ANKRD26: variants seen among roughly 807,000 people sequenced by gnomAD.
The protein encoded by ANKRD26 is ankyrin repeat domain-containing protein 26.
In ANKRD26, 141 loss-of-function variants were observed where a neutral mutation model predicts 208.7. The observed-to-expected ratio is 0.68, with a 90% CI of 0.59 to 0.78. The LOEUF (loss-of-function observed/expected upper bound fraction) is 0.78. ANKRD26 is among the 30% of genes least tolerant of loss of function. ANKRD26 has a pLI of 0.00. For missense variants in ANKRD26, 1,889 were observed against 1,938.7 expected (o/e 0.97, Z 0.48); for synonymous variants, 636 against 660.4 (o/e 0.96, Z 0.57).
intron 6 of ANKRD26, 29 bp downstream of exon 6, chr10:27,082,774 T>C (rs1326540035): frequency 6.4e-7 from 1 of 1,562,236 alleles, no homozygotes; most frequent in South Asian, 1.2e-5. Flanking sequence ...TTCCTTTAAA[T>C]ATATTTTTAA....
At chr10:27,077,771 A>G (rs1485118803) in intron 7 of ANKRD26, 78 bp from the exon 8 acceptor site, 1 of 1,222,824 alleles carries the variant, frequency 8.2e-7, no homozygotes, top group African/African-American at 1.5e-5. Flanking sequence ...ATAGATAGTC[A>G]CCATTACTAC....
chr10:27,093,412 A>C lies in ANKRD26; in HGVS notation c.468T>G (p.Asn156Lys). The C allele has an allele frequency of 1.2e-6, 2 of 1,614,172 alleles. No homozygotes were observed. The highest frequency in any genetic ancestry group is 8.5e-7 in the Non-Finnish European group (1 of 1,180,026). The change falls in exon 3 of 34, where the codon AAT becomes AAG. Residue 156 changes from asparagine (N) to lysine (K), a missense_variant. Coordinates refer to ENST00000376087, the MANE Select transcript of ANKRD26 (RefSeq NM_014915.3). ...GCTTTGTTGCTACTGATATGTCCTC[A>C]TTATAGACAGCATAGTGAAGAGCAG... ...GNTALHYAVY[N>K]EDISVATKLL...
At chr10:26,957,010 G>A in the ANKRD26 span, among the ~76,000 whole-genome samples, 1 of 152,204 alleles carries the variant, frequency 6.6e-6, no homozygotes, top group Non-Finnish European at 1.5e-5. Flanking sequence ...GAATACTGGA[G>A]CAGCAAAAAC....
chr10:26,970,596 C>T (rs1054723678), downstream of ANKRD26, among the ~76,000 whole-genome samples: 36 of 152,204 alleles, frequency 2.4e-4, no homozygotes, highest in Middle Eastern at 0.014. Context: ...AACCATGAGC[C>T]GATTAAACCT....
chr10:26,980,814 G>A (rs1392210777), exon 5 of ANKRD26, among the ~76,000 whole-genome samples: 2 of 152,204 alleles, frequency 1.3e-5, no homozygotes, highest in African/African-American at 2.4e-5. Context: ...GAAGTTCAGA[G>A]AGGTCGGAGT....
chr10:27,023,319 G>A (rs2053551360), intron 28 of ANKRD26, among the ~76,000 whole-genome samples: 1 of 151,364 alleles, frequency 6.6e-6, no homozygotes, highest in South Asian at 2.1e-4. Context: ...TCCAGCTTGG[G>A]CAACAGAGAG....
downstream of ANKRD26, among the ~76,000 whole-genome samples, chr10:27,003,648 A>C (rs1422850050): frequency 6.6e-6 from 1 of 152,354 alleles, no homozygotes; most frequent in Admixed American, 6.5e-5. Flanking sequence ...AATGGAAGTG[A>C]GTGACAGCAG....
chr10:26,949,926 T>G, the ANKRD26 span, among the ~76,000 whole-genome samples: 2 of 152,254 alleles, frequency 1.3e-5, no homozygotes, highest in Admixed American at 1.3e-4. Context: ...ACACCTTTTT[T>G]CACTTACAAT....
At chr10:27,010,631 G>C (rs769378564) in intron 32 of ANKRD26, among the ~76,000 whole-genome samples, 1 of 152,096 alleles carries the variant, frequency 6.6e-6, no homozygotes, top group Non-Finnish European at 1.5e-5. Context: ...AAGAAGCTGG[G>C]ACTACAAGCG....
chr10:27,090,092 A>G (rs1186197008), intron 4 of ANKRD26, among the ~76,000 whole-genome samples: 1 of 152,222 alleles, frequency 6.6e-6, no homozygotes, highest in African/African-American at 2.4e-5. Context: ...CTGCTGAACA[A>G]AAAGCCTGAC....
rs369980649 is a variant in ANKRD26 at position 27,017,832 on chromosome 10, T to C, written c.4216-40A>G. The C allele has an allele frequency of 9.4e-5, 148 of 1,573,298 alleles. 1 individual carries two copies. Among genetic ancestry groups the C allele is most frequent in the African/African-American group, 5.8e-4 (43 of 73,880 alleles). On this transcript the variant is annotated intron_variant, in intron 29 of 33. Coordinates refer to ENST00000376087, the MANE Select transcript of ANKRD26 (RefSeq NM_014915.3). ...TAATATAGTGTAATAATGAAGGAAG[T>C]AGCCTGAGAATAGCCTAACATAAAA...
intron 9 of ANKRD26, among the ~76,000 whole-genome samples, chr10:27,072,301 C>T (rs1472816377): frequency 6.6e-6 from 1 of 152,202 alleles, no homozygotes; most frequent in African/African-American, 2.4e-5. Flanking sequence ...CATACTGTTG[C>T]CTGATATCCC....
chr10:27,092,178 T>C (rs1589376941), intron 4 of ANKRD26, among the ~76,000 whole-genome samples: 1 of 152,146 alleles, frequency 6.6e-6, no homozygotes, highest in Non-Finnish European at 1.5e-5. Flanking sequence ...TCCAAGCAAC[T>C]GCTTTTCTTC....
exon 6 of ANKRD26, among the ~76,000 whole-genome samples, chr10:26,975,419 T>C (rs1428165351): frequency 7.1e-6 from 1 of 140,538 alleles, no homozygotes; most frequent in Non-Finnish European, 1.5e-5. Flanking sequence ...TTTTTTTTTT[T>C]TGGTGTAGTT....
At chr10:27,038,274 GGTAA>G (rs1484467442) in intron 21 of ANKRD26, among the ~76,000 whole-genome samples, 1 of 152,068 alleles carries the variant, frequency 6.6e-6, no homozygotes, top group African/African-American at 2.4e-5. Flanking sequence ...TCTGCTAACT[GGTAA>G]GTTTCTGTTA....
intron 10 of ANKRD26, among the ~76,000 whole-genome samples, chr10:27,066,798 G>A (rs1179366549): frequency 6.6e-6 from 1 of 151,856 alleles, no homozygotes; most frequent in African/African-American, 2.4e-5. Context: ...TTAATTGGTT[G>A]TCTTAGAATA....
At chr10:27,016,759 A>C (rs1314190092) in intron 30 of ANKRD26, among the ~76,000 whole-genome samples, 1 of 152,118 alleles carries the variant, frequency 6.6e-6, no homozygotes, top group Non-Finnish European at 1.5e-5. Context: ...GGTTGTGTTT[A>C]ATTATTTGTA....
At chr10:26,956,097 T>C in the ANKRD26 span, among the ~76,000 whole-genome samples, 1 of 152,238 alleles carries the variant, frequency 6.6e-6, no homozygotes, top group Non-Finnish European at 1.5e-5. Context: ...CAGTTTCATC[T>C]TAAAGTGGTC....
At chr10:26,974,759 A>G (rs575356866) in exon 6 of ANKRD26, among the ~76,000 whole-genome samples, 14 of 152,334 alleles carry the variant, frequency 9.2e-5, no homozygotes, top group African/African-American at 3.4e-4. Flanking sequence ...ATCTGCATTC[A>G]TAGAAGGTAC....
Sources: allele counts gnomAD v4.1 joint callset (sites outside exome capture counted in the v4.1 genomes callset), GRCh38; gene constraint gnomAD v4.1.1; transcripts MANE v1.5; gene names NCBI Gene and HGNC (gene_info 2026-07-23, HGNC 2026-07-21).